Variants in CLN8 observed in about 807,000 individuals in gnomAD.
CLN8 encodes the protein protein CLN8.
Under a neutral mutation model 15.7 loss-of-function variants are expected in CLN8, and 14 were observed. The observed-to-expected ratio is 0.89, with a 90% CI of 0.59 to 1.39. The LOEUF is 1.39. CLN8 is among the 40% of genes most tolerant of loss of function. The pLI is 0.00. For missense variants in CLN8, 415 were observed against 364.0 expected (o/e 1.14, Z -1.14); for synonymous variants, 188 against 151.0 (o/e 1.25, Z -1.80).
upstream of CLN8, chr8:1,758,853 G>A (rs377713541): frequency 6.6e-6 from 1 of 152,170 alleles, no homozygotes; most frequent in African/African-American, 2.4e-5. Context: ...GCTCTTATTG[G>A]ACCTAAAAGA....
intron 1 of CLN8, among the ~76,000 whole-genome samples, chr8:1,768,143 C>T (rs1451722240): frequency 2.0e-5 from 3 of 151,908 alleles, no homozygotes; most frequent in African/African-American, 4.8e-5. Context: ...AGGGTTTTGC[C>T]GTGTTGGCCA....
chr8:1,754,208 T>G (rs1450286029), upstream of CLN8, among the ~76,000 whole-genome samples: 1 of 152,206 alleles, frequency 6.6e-6, no homozygotes, highest in East Asian at 1.9e-4. Flanking sequence ...AAGTGTCTGT[T>G]TCCTGGCAGT....
upstream of CLN8, among the ~76,000 whole-genome samples, chr8:1,753,078 G>T (rs1800591404): frequency 6.6e-6 from 1 of 152,200 alleles, no homozygotes; most frequent in South Asian, 2.1e-4. Context: ...CTTCCTCTGA[G>T]TTAGACGGTG....
At chr8:1,760,118 A>T (rs1306769966), upstream of CLN8, 1 of 152,192 alleles carries the variant, frequency 6.6e-6, no homozygotes, top group Non-Finnish European at 1.5e-5. Context: ...GTACTTCAAA[A>T]TTCAGCTTTG....
intron 2 of CLN8, among the ~76,000 whole-genome samples, chr8:1,775,388 A>G (rs888339955): frequency 6.6e-6 from 1 of 152,168 alleles, no homozygotes; most frequent in South Asian, 2.1e-4. Flanking sequence ...TTAAGTATAG[A>G]TGTAACTGCC....
chr8:1,768,977 G>A (rs572962384), intron 1 of CLN8, among the ~76,000 whole-genome samples: 2 of 152,328 alleles, frequency 1.3e-5, no homozygotes, highest in East Asian at 1.9e-4. Context: ...GTCATCCATA[G>A]CATCTATCAG....
chr8:1,772,977 G>C (rs1276230996), intron 2 of CLN8: 1 of 398,434 alleles, frequency 2.5e-6, no homozygotes, highest in Non-Finnish European at 4.4e-6. Context: ...TCCTGCCTTC[G>C]GGGTCGAGGT....
upstream of CLN8, among the ~76,000 whole-genome samples, chr8:1,754,582 A>G (rs1032568693): frequency 1.3e-5 from 2 of 152,256 alleles, no homozygotes; most frequent in Non-Finnish European, 2.9e-5. Context: ...TTCTGAGAGT[A>G]TAGCAGTGAT....
At chr8:1,761,459 G>A (rs1800794736), upstream of CLN8, among the ~76,000 whole-genome samples, 1 of 152,168 alleles carries the variant, frequency 6.6e-6, no homozygotes. Flanking sequence ...CAAGTAGTTG[G>A]CATTACAGGC....
At chr8:1,776,532 G>A (rs1236428086) in intron 2 of CLN8, among the ~76,000 whole-genome samples, 5 of 152,080 alleles carry the variant, frequency 3.3e-5, no homozygotes, top group Non-Finnish European at 5.9e-5. Flanking sequence ...ACACACACAC[G>A]TGATGACAGA....
upstream of CLN8, chr8:1,763,211 G>A (rs748020218): frequency 6.6e-6 from 1 of 151,844 alleles, no homozygotes; most frequent in African/African-American, 2.4e-5. Flanking sequence ...TCTGGAGAAC[G>A]GCGCGGTCAG....
At chr8:1,772,727 G>A (rs182886669) in intron 2 of CLN8, among the ~76,000 whole-genome samples, 41 of 152,106 alleles carry the variant, frequency 2.7e-4, no homozygotes, top group East Asian at 2.3e-3. Flanking sequence ...TGATCTCCCC[G>A]CCTTGGCCTC....
chr8:1,761,359 C>G (rs111456031), upstream of CLN8, among the ~76,000 whole-genome samples: 120 of 146,334 alleles, frequency 8.2e-4, no homozygotes, highest in Middle Eastern at 0.012. Context: ...GAGTCTTGCT[C>G]TGTTGCCCAG....
intron 1 of CLN8, among the ~76,000 whole-genome samples, chr8:1,756,881 C>T (rs1343509391): frequency 1.3e-5 from 2 of 152,020 alleles, no homozygotes; most frequent in East Asian, 1.9e-4. Flanking sequence ...CGGGGTTTGA[C>T]CATGTTGGTC....
intron 1 of CLN8, among the ~76,000 whole-genome samples, chr8:1,765,559 T>A (rs1399786603): frequency 1.3e-5 from 2 of 152,266 alleles, no homozygotes; most frequent in Non-Finnish European, 2.9e-5. Flanking sequence ...AGTATAATTC[T>A]CATGTAAATA....
chr8:1,769,111 G>C (rs937030792), intron 1 of CLN8, among the ~76,000 whole-genome samples: 3 of 152,188 alleles, frequency 2.0e-5, no homozygotes, highest in African/African-American at 7.2e-5. Flanking sequence ...TTCAAACAGA[G>C]CTAGTCTGTG....
upstream of CLN8, chr8:1,759,021 T>A (rs989647480): frequency 6.6e-6 from 1 of 152,188 alleles, no homozygotes; most frequent in East Asian, 1.9e-4. Context: ...AATGCTTGAT[T>A]TCTTCCAGGG....
In CLN8 at chr8:1,780,591, C is replaced by G. The variant is rs201638390; in HGVS notation, c.*24C>G. On this transcript the variant is annotated 3_prime_UTR_variant, in exon 3 of 3. Coordinates refer to ENST00000331222, the MANE Select transcript of CLN8 (RefSeq NM_018941.4). ...AGCTGCTCCAGCCGGGGCTCCGGGG[C>G]GGCAGCAGAGCTGGCACACCGATTC... The G allele has an allele frequency of 1.9e-6, 3 of 1,608,992 alleles. No homozygotes were observed. Among genetic ancestry groups the G allele is most frequent in the East Asian group, 2.2e-5 (1 of 44,764 alleles).
At chr8:1,756,310 C>T (rs7463876) in intron 1 of CLN8, among the ~76,000 whole-genome samples, 106,638 of 151,826 alleles carry the variant, frequency 0.7, 37,599 homozygotes, top group South Asian at 0.78. Flanking sequence ...AGTAAAACCC[C>T]GTCTGTACTA....
Sources: gnomAD v4.1 joint callset for allele counts (sites outside exome capture counted in the v4.1 genomes callset) on GRCh38, gnomAD v4.1.1 for gene constraint, MANE v1.5 for transcripts, NCBI Gene and HGNC (gene_info 2026-07-23, HGNC 2026-07-21) for gene names.